Variants in EXOC4 observed in about 807,000 individuals in gnomAD.
The protein encoded by EXOC4 is SEC8-like 1.
EXOC4 carries 71 observed loss-of-function variants against 107.2 expected under a neutral mutation model. That is an observed-to-expected ratio of 0.66 (90% CI 0.55 to 0.81). The LOEUF (loss-of-function observed/expected upper bound fraction) is 0.81, where lower values mean the gene tolerates loss of function less well. Among genes scored for constraint, EXOC4 ranks in the 30% least tolerant of loss-of-function variants. The pLI is 0.00. For synonymous variants in EXOC4, 456 were observed against 441.2 expected (o/e 1.03, Z -0.42); for missense variants, 1,108 against 1,189.6 (o/e 0.93, Z 1.01).
At chr7:133,564,354 C>A (rs967671160) in intron 9 of EXOC4, among the ~76,000 whole-genome samples, 1 of 152,200 alleles carries the variant, frequency 6.6e-6, no homozygotes, top group Admixed American at 6.5e-5. Flanking sequence ...CACTCACTAT[C>A]ATGAGAACAG....
intron 10 of EXOC4, among the ~76,000 whole-genome samples, chr7:133,686,053 C>G (rs919831813): frequency 6.6e-6 from 1 of 151,962 alleles, no homozygotes; most frequent in East Asian, 1.9e-4. Context: ...TATTCTTTTT[C>G]GTGGATTAAT....
intron 11 of EXOC4, among the ~76,000 whole-genome samples, chr7:133,826,223 A>G (rs1403592840): frequency 1.3e-5 from 2 of 152,200 alleles, no homozygotes; most frequent in Non-Finnish European, 2.9e-5. Flanking sequence ...TTGGGATCTG[A>G]TAACATTCGT....
intron 9 of EXOC4, among the ~76,000 whole-genome samples, chr7:133,534,074 CG>C (rs2150924223): frequency 6.6e-6 from 1 of 152,276 alleles, no homozygotes; most frequent in South Asian, 2.1e-4. Flanking sequence ...TTTCAGCTCA[CG>C]TAAGAACTTC....
intron 8 of EXOC4, among the ~76,000 whole-genome samples, chr7:133,478,320 A>AG (rs1799069628): frequency 6.6e-6 from 1 of 152,012 alleles, no homozygotes; most frequent in African/African-American, 2.4e-5. Flanking sequence ...GGGAAAAAAA[A>AG]AAAAAGAAAT....
At chr7:133,970,801 C>T (rs1018358024) in intron 14 of EXOC4, among the ~76,000 whole-genome samples, 9 of 152,114 alleles carry the variant, frequency 5.9e-5, no homozygotes, top group African/African-American at 2.2e-4. Flanking sequence ...GCCATCTTGC[C>T]AGCCACCCTT....
chr7:133,480,208 G>T (rs1241130967), intron 9 of EXOC4, 70 bp downstream of exon 9: 2 of 1,582,662 alleles, frequency 1.3e-6, no homozygotes, highest in Non-Finnish European at 1.7e-6. Flanking sequence ...ACATGAGTTT[G>T]TGTCCTGCAT....
At chr7:133,330,053 G>C (rs936199337) in intron 5 of EXOC4, among the ~76,000 whole-genome samples, 1 of 152,164 alleles carries the variant, frequency 6.6e-6, no homozygotes, top group Admixed American at 6.5e-5. Context: ...CTCTGTTACA[G>C]GGAGGTGGGG....
At chr7:134,069,510 T>G (rs1796243723), downstream of EXOC4, among the ~76,000 whole-genome samples, 1 of 152,012 alleles carries the variant, frequency 6.6e-6, no homozygotes, top group South Asian at 2.1e-4. Flanking sequence ...TTCTTTCTTC[T>G]TCTTTGAGAC....
intron 11 of EXOC4, among the ~76,000 whole-genome samples, chr7:133,853,043 T>G (rs1798268350): frequency 6.6e-6 from 1 of 152,162 alleles, no homozygotes; most frequent in East Asian, 1.9e-4. Context: ...TTACCTGTCT[T>G]TTTGCTCCTA....
rs555573635 is a variant in EXOC4 at position 133,781,284 on chromosome 7, A to C, written c.1515-36041A>C. ...CATTTCTTCACACCCTAGGGTGGCCATGAAACTCAAGATCAGACCAGATCT... is the reference window on the plus strand; with the variant it reads ...CATTTCTTCACACCCTAGGGTGGCCCTGAAACTCAAGATCAGACCAGATCT... On this transcript the variant is annotated intron_variant, in intron 10 of 17. Coordinates refer to ENST00000253861, the MANE Select transcript of EXOC4 (RefSeq NM_021807.4). 3.9e-5 allele frequency among the ~76,000 whole-genome samples: 6 copies of C among 152,354 alleles called. No homozygotes were observed. The South Asian group carries it at 1.2e-3, about 32-fold the overall frequency.
chr7:133,857,868 C>T (rs758804934), intron 11 of EXOC4, among the ~76,000 whole-genome samples: 1 of 152,066 alleles, frequency 6.6e-6, no homozygotes, highest in African/African-American at 2.4e-5. Flanking sequence ...GCGGATCGGG[C>T]GTGGGGGGAG....
Position 133,475,355 on chromosome 7 carries a change from A to G in EXOC4, c.1210A>G (p.Lys404Glu). ...QMLLTEYLDM[K>E]NTRTASEPSA... Reference sequence around the variant, plus strand: ...GCTATTAACTGAGTACTTGGATATGAAAAATACTCGTACGGCCTCTGAACC... The same window carrying G: ...GCTATTAACTGAGTACTTGGATATGGAAAATACTCGTACGGCCTCTGAACC... Residue 404 changes from lysine (K) to glutamate (E), a missense_variant, in exon 8 of 18, where the codon AAA (lysine) becomes GAA (glutamate). Transcript: ENST00000253861. 6 of 1,613,702 alleles carry G rather than the reference A, an allele frequency of 3.7e-6. No homozygotes were observed. The highest frequency in any genetic ancestry group is 5.1e-6 in the Non-Finnish European group (6 of 1,179,622).
At chr7:133,420,583 C>T (rs1028619865) in intron 7 of EXOC4, among the ~76,000 whole-genome samples, 1 of 151,930 alleles carries the variant, frequency 6.6e-6, no homozygotes, top group Non-Finnish European at 1.5e-5. Flanking sequence ...CCTCCCACGC[C>T]GAAGGGGAGG....
In EXOC4 at chr7:133,465,664, A is replaced by C. The variant is rs1349346284; in HGVS notation, c.1183-9664A>C. Among the ~76,000 whole-genome samples, 4 of 152,320 alleles carry C rather than the reference A, an allele frequency of 2.6e-5. No individual in the cohort carries two copies. The South Asian group carries it at 8.3e-4, about 32-fold the overall frequency. ...TCATCAAGTAAGTCTCAATACATTT[A>C]AAAGAATTGAAATCACATAAAGTAT... On this transcript the variant is annotated intron_variant, in intron 7 of 17. Coordinates refer to ENST00000253861, the MANE Select transcript of EXOC4 (RefSeq NM_021807.4).
At chr7:133,830,738 C>T (rs770247605) in intron 11 of EXOC4, among the ~76,000 whole-genome samples, 1 of 152,144 alleles carries the variant, frequency 6.6e-6, no homozygotes, top group Non-Finnish European at 1.5e-5. Flanking sequence ...TACTGTGGTG[C>T]ATTTGTTACA....
At position 133,598,504 on chromosome 7, in the gene EXOC4, A is replaced by C. The variant is rs566461886; in HGVS notation, c.1418-31541A>C. 3.3e-5 allele frequency among the ~76,000 whole-genome samples: 5 copies of C among 152,336 alleles called. No individual in the cohort carries two copies. The East Asian group carries it at 9.6e-4, about 29-fold the overall frequency. ...ATGTGGCTAATGCAACTGAGGAACC[A>C]AATTTTAAATGTAATTTAAATTAAA... On this transcript the variant is annotated intron_variant, in intron 9 of 17. Transcript: ENST00000253861.
At chr7:133,881,963 G>A (rs1798975467) in intron 11 of EXOC4, among the ~76,000 whole-genome samples, 1 of 152,078 alleles carries the variant, frequency 6.6e-6, no homozygotes, top group South Asian at 2.1e-4. Flanking sequence ...CTGCATTCAT[G>A]TAACCACCAA....
intron 10 of EXOC4, among the ~76,000 whole-genome samples, chr7:133,743,007 A>C (rs7809560): frequency 0.99 from 150,154 of 152,244 alleles, 74,095 homozygotes; most frequent in Middle Eastern, 1. Context: ...GTGGTTCTTA[A>C]GAGGCTCTTA....
chr7:133,639,353 C>G (rs544593752), intron 10 of EXOC4, among the ~76,000 whole-genome samples: 3 of 152,112 alleles, frequency 2.0e-5, no homozygotes, highest in Non-Finnish European at 4.4e-5. Flanking sequence ...AAAGACTCTT[C>G]TTTGGTCATA....
Sources: gnomAD v4.1 joint callset for allele counts (sites outside exome capture counted in the v4.1 genomes callset) on GRCh38, gnomAD v4.1.1 for gene constraint, MANE v1.5 for transcripts, NCBI Gene and HGNC (gene_info 2026-07-23, HGNC 2026-07-21) for gene names.